Variants in MICAL3 observed in about 807,000 individuals in gnomAD.
MICAL3 encodes microtubule associated monooxygenase, calponin and LIM domain containing 3, also known as [F-actin]-monooxygenase MICAL3.
In MICAL3, 62 loss-of-function variants were observed where a neutral mutation model predicts 207.4. The observed-to-expected ratio is 0.30, with a 90% CI of 0.24 to 0.37. The LOEUF (loss-of-function observed/expected upper bound fraction) is 0.37, where lower values mean the gene tolerates loss of function less well. Among genes scored for constraint, MICAL3 ranks in the 10% least tolerant of loss-of-function variants. MICAL3 has a pLI of 1.00. For synonymous variants in MICAL3, 1,077 were observed against 1,069.3 expected (o/e 1.01, Z -0.14); for missense variants, 2,368 against 2,635.6 (o/e 0.90, Z 2.22).
At chr22:17,859,827 C>T (rs369784523) in intron 19 of MICAL3, among the ~76,000 whole-genome samples, 34 of 152,260 alleles carry the variant, frequency 2.2e-4, no homozygotes, top group Middle Eastern at 3.4e-3. Flanking sequence ...CCCCTCCATC[C>T]GCCCAGCCTG....
chr22:17,989,281 C>T (rs1043700146), intron 1 of MICAL3, among the ~76,000 whole-genome samples: 1 of 152,172 alleles, frequency 6.6e-6, no homozygotes, highest in Non-Finnish European at 1.5e-5. Context: ...CTTGCCCTTG[C>T]AGTCAGGGCA....
intron 18 of MICAL3, among the ~76,000 whole-genome samples, chr22:17,865,473 G>A (rs928993877): frequency 1.2e-4 from 19 of 152,210 alleles, no homozygotes; most frequent in Non-Finnish European, 2.5e-4. Context: ...ACTAGTGAAA[G>A]GCCCCGCAGG....
intron 23 of MICAL3, among the ~76,000 whole-genome samples, 152 bp from the exon 24 acceptor site, chr22:17,822,322 C>T (rs1179728703): frequency 6.6e-6 from 1 of 152,270 alleles, no homozygotes; most frequent in Admixed American, 6.5e-5. Flanking sequence ...GACCTGCCTA[C>T]CAGACCACCC....
At chr22:17,963,187 G>A (rs907917748) in intron 1 of MICAL3, among the ~76,000 whole-genome samples, 5 of 151,998 alleles carry the variant, frequency 3.3e-5, no homozygotes, top group Admixed American at 6.6e-5. Flanking sequence ...ATCTCAGCTC[G>A]CTGCACCCGC....
In MICAL3 at chr22:18,020,705, C is replaced by G. The variant is rs150180069; in HGVS notation, c.-75+3576G>C. Reference sequence around the variant, plus strand: ...GCTGAGGCAGGCAGATCACTTGAGGCAGGAGTTCGACACCAGCCTGGCCAA... The same window carrying G: ...GCTGAGGCAGGCAGATCACTTGAGGGAGGAGTTCGACACCAGCCTGGCCAA... On this transcript the variant is annotated intron_variant, in intron 1 of 31. Transcript: ENST00000441493. 1.0e-2 allele frequency among the ~76,000 whole-genome samples: 1,499 copies of G among 149,976 alleles called. 28 individuals carry two copies. The highest frequency in any genetic ancestry group is 0.033 in the African/African-American group (1,348 of 40,640).
chr22:17,976,579 A>ATTT (rs1569154175), intron 1 of MICAL3, among the ~76,000 whole-genome samples: 2 of 95,234 alleles, frequency 2.1e-5, no homozygotes, highest in African/African-American at 1.1e-4. Context: ...ATATATATAT[A>ATTT]TATATATATA....
At chr22:18,003,234 C>T (rs984293736) in intron 1 of MICAL3, among the ~76,000 whole-genome samples, 2 of 151,902 alleles carry the variant, frequency 1.3e-5, no homozygotes, top group African/African-American at 4.8e-5. Flanking sequence ...CAGTATCAAC[C>T]CCACCTTTGG....
intron 1 of MICAL3, among the ~76,000 whole-genome samples, chr22:17,987,191 T>C (rs1434673872): frequency 1.3e-5 from 2 of 151,944 alleles, no homozygotes; most frequent in African/African-American, 4.8e-5. Context: ...CAGTGAGCTA[T>C]GATCATGCCA....
Position 17,817,296 on chromosome 22 carries a change from C to T in MICAL3, c.5350+15G>A, listed in dbSNP as rs779881829. 12 of 1,572,002 alleles carry T rather than the reference C, an allele frequency of 7.6e-6. No homozygotes were observed. The highest frequency in any genetic ancestry group is 6.9e-5 in the South Asian group (6 of 86,538). On this transcript the variant is annotated intron_variant, in intron 26 of 31. Transcript: ENST00000441493. ...CTCCCGCTCTGCCTGCACGCGGACCCGGCTGCTGACGCACCTGCCCTTACG... is the reference window on the plus strand; with the variant it reads ...CTCCCGCTCTGCCTGCACGCGGACCTGGCTGCTGACGCACCTGCCCTTACG...
intron 1 of MICAL3, among the ~76,000 whole-genome samples, chr22:17,991,832 G>T (rs1341963626): frequency 6.6e-6 from 1 of 152,146 alleles, no homozygotes; most frequent in Non-Finnish European, 1.5e-5. Context: ...ACATGACAAA[G>T]AAATACTTCA....
chr22:17,864,692 T>C, intron 19 of MICAL3: 3 of 1,611,528 alleles, frequency 1.9e-6, no homozygotes, highest in Non-Finnish European at 2.5e-6. Context: ...TCCCCTCTGA[T>C]TTGCACCAGC....
At chr22:17,943,453 C>T (rs1933904649) in intron 1 of MICAL3, among the ~76,000 whole-genome samples, 1 of 152,198 alleles carries the variant, frequency 6.6e-6, no homozygotes, top group African/African-American at 2.4e-5. Context: ...CATGAGCCAC[C>T]GCACCCTGAG....
chr22:17,970,758 A>AT (rs1025493894), intron 1 of MICAL3, among the ~76,000 whole-genome samples: 1 of 150,234 alleles, frequency 6.7e-6, no homozygotes, highest in Non-Finnish European at 1.5e-5. Context: ...ATTGAGCAGC[A>AT]TTTTTTTTTA....
chr22:18,000,138 A>G (rs1356625906), intron 1 of MICAL3, among the ~76,000 whole-genome samples: 1 of 152,164 alleles, frequency 6.6e-6, no homozygotes, highest in Non-Finnish European at 1.5e-5. Flanking sequence ...CCTGGAGTAC[A>G]ACGACTGTCT....
intron 22 of MICAL3, chr22:17,826,618 A>G (rs1474750570): frequency 3.7e-6 from 2 of 534,566 alleles, no homozygotes; most frequent in African/African-American, 2.1e-5. Context: ...AAAGAAAGTG[A>G]GAAGGCATTC....
At chr22:17,885,153 G>A (rs1443799665) in intron 16 of MICAL3, among the ~76,000 whole-genome samples, 1 of 152,238 alleles carries the variant, frequency 6.6e-6, no homozygotes, top group African/African-American at 2.4e-5. Context: ...CTGCTGCCAT[G>A]CACTCGCATG....
intron 2 of MICAL3, among the ~76,000 whole-genome samples, chr22:17,905,946 A>C (rs1389179431): frequency 3.3e-5 from 5 of 152,222 alleles, no homozygotes; most frequent in African/African-American, 1.2e-4. Flanking sequence ...CATGGATGGG[A>C]AGAGGTTGGA....
chr22:17,951,714 TGAG>T (rs1934357753), intron 1 of MICAL3, among the ~76,000 whole-genome samples: 2 of 151,654 alleles, frequency 1.3e-5, no homozygotes, highest in Non-Finnish European at 1.5e-5. Context: ...TTTTTTTTTT[TGAG>T]ACAGGGTCTC....
At chr22:17,911,841 A>C (rs1448700400) in intron 1 of MICAL3, among the ~76,000 whole-genome samples, 1 of 88,252 alleles carries the variant, frequency 1.1e-5, no homozygotes, top group African/African-American at 1.4e-4. Flanking sequence ...CAAAAACCAA[A>C]AAAAGAAAAA....
Sources: allele counts gnomAD v4.1 joint callset (sites outside exome capture counted in the v4.1 genomes callset), GRCh38; gene constraint gnomAD v4.1.1; transcripts MANE v1.5; gene names NCBI Gene and HGNC (gene_info 2026-07-23, HGNC 2026-07-21).